Variants in EGFLAM observed in about 807,000 individuals in gnomAD.
EGFLAM encodes EGF like, fibronectin type III and laminin G domains, also known as pikachurin.
In EGFLAM, 79 loss-of-function variants were observed where a neutral mutation model predicts 113.1. That is an observed-to-expected ratio of 0.70 (90% CI 0.58 to 0.84). EGFLAM has a LOEUF of 0.84. Ranked by LOEUF, EGFLAM falls within the 40% of genes least tolerant of loss-of-function variation. The probability of loss-of-function intolerance (pLI) is 0.00; values close to 1 mark genes in which losing one functional copy is unlikely to be tolerated. For missense variants in EGFLAM, 1,265 were observed against 1,291.6 expected, an observed-to-expected ratio of 0.98 and a Z score of 0.32; for synonymous variants, 504 against 487.6, an observed-to-expected ratio of 1.03 and a Z score of -0.44.
rs774365069 is a variant in EGFLAM at position 38,431,272 on chromosome 5, T to C, written c.2150T>C (p.Val717Ala). The change falls in exon 15 of 22, where the codon GTG (valine) becomes GCG (alanine). Residue 717 changes from valine to alanine, a missense_variant. Transcript: ENST00000322350. Reference protein sequence around the residue: ...GILQVDKQKIVEGMAEGGFTQ... With the variant: ...GILQVDKQKIAEGMAEGGFTQ... The stretch of plus-strand genomic sequence containing the variant: ...TTACAGGTGGATAAGCAGAAGATAG[T>C]GGAGGGAATGGCAGAGGTAAGAACA... 3 of 1,613,952 alleles carry C rather than the reference T, an allele frequency of 1.9e-6. No homozygotes were observed. Among genetic ancestry groups the C allele is most frequent in the Admixed American group, 3.3e-5 (2 of 60,000 alleles).
At chr5:38,382,794 A>G (rs968115694) in intron 6 of EGFLAM, among the ~76,000 whole-genome samples, 4 of 152,172 alleles carry the variant, frequency 2.6e-5, no homozygotes, top group African/African-American at 9.7e-5. Context: ...TCTTATTCCC[A>G]CTGATATGAG....
At chr5:38,414,253 A>C (rs973454548) in intron 11 of EGFLAM, among the ~76,000 whole-genome samples, 2 of 152,218 alleles carry the variant, frequency 1.3e-5, no homozygotes, top group African/African-American at 4.8e-5. Context: ...AGGTAAGAAA[A>C]AGACAGGGTC....
intron 1 of EGFLAM, among the ~76,000 whole-genome samples, chr5:38,272,954 G>T (rs1459449892): frequency 2.6e-5 from 4 of 152,068 alleles, no homozygotes; most frequent in Admixed American, 6.5e-5. Flanking sequence ...ATAAGATGGT[G>T]GAATAGGACT....
intron 5 of EGFLAM, among the ~76,000 whole-genome samples, chr5:38,370,034 G>C (rs1740163168): frequency 6.6e-6 from 1 of 152,144 alleles, no homozygotes; most frequent in African/African-American, 2.4e-5. Context: ...ATCATAGTGA[G>C]GGCCTTGCAA....
chr5:38,423,020 A>C (rs192897572), intron 12 of EGFLAM, among the ~76,000 whole-genome samples: 31 of 152,236 alleles, frequency 2.0e-4, no homozygotes, highest in Admixed American at 6.5e-4. Context: ...CTTTCTTTCA[A>C]GGCCTGATAC....
At chr5:38,276,586 A>G (rs1118170) in intron 1 of EGFLAM, among the ~76,000 whole-genome samples, 20,146 of 152,116 alleles carry the variant, frequency 0.13, 1,509 homozygotes, top group Middle Eastern at 0.28. Context: ...GATCAGAAAT[A>G]AATGAAATAT....
At chr5:38,329,296 A>G (rs1266238620) in intron 1 of EGFLAM, among the ~76,000 whole-genome samples, 1 of 844 alleles carries the variant, frequency 1.2e-3, no homozygotes. Flanking sequence ...CTCAAAGATA[A>G]ATAAATAAAT....
In EGFLAM at chr5:38,302,286, C is replaced by T. The variant is rs540411491; in HGVS notation, c.98-35234C>T. Among the ~76,000 whole-genome samples the T allele has an allele frequency of 7.4e-5, 11 of 149,630 alleles. No homozygotes were observed. In the South Asian group the frequency reaches 1.3e-3, roughly 17 times the overall value. ...TCAATCACATGTATAGATTTTGTAA[C>T]GTAGACTGGTTATTTAAAGTCAGAG... is the stretch of plus-strand genomic sequence containing the variant. On this transcript the variant is annotated intron_variant, in intron 1 of 21. Transcript: ENST00000322350.
intron 5 of EGFLAM, among the ~76,000 whole-genome samples, chr5:38,359,498 A>G (rs1739864482): frequency 6.6e-6 from 1 of 152,178 alleles, no homozygotes; most frequent in African/African-American, 2.4e-5. Flanking sequence ...AACATGGTGA[A>G]ACCCTATCTC....
chr5:38,432,402 G>A (rs1413479735), intron 15 of EGFLAM, among the ~76,000 whole-genome samples: 3 of 150,846 alleles, frequency 2.0e-5, no homozygotes, highest in Non-Finnish European at 4.4e-5. Flanking sequence ...GGGAATGAGG[G>A]GAATCCCAAA....
chr5:38,358,349 A>G (rs1232526626), intron 5 of EGFLAM, among the ~76,000 whole-genome samples: 2 of 145,804 alleles, frequency 1.4e-5, no homozygotes, highest in African/African-American at 5.0e-5. Context: ...CGGGAGGCTG[A>G]GGCAGAAGAA....
Position 38,272,758 on chromosome 5 carries a change from A to ATG in EGFLAM, c.97+13925_97+13926dup, listed in dbSNP as rs148444332. On this transcript the variant is annotated intron_variant, in intron 1 of 21. Coordinates refer to ENST00000322350, the MANE Select transcript of EGFLAM (RefSeq NM_152403.4). ...AGTTGACTTTTTGAGAGGTGTGTGT[A>ATG]TGTGTGTGTGTGTGTGTGTCTGTGT... Among the ~76,000 whole-genome samples the ATG allele has an allele frequency of 8.5e-4, 128 of 150,502 alleles. 1 individual carries two copies. Among genetic ancestry groups the ATG allele is most frequent in the Middle Eastern group, 3.4e-3 (1 of 290 alleles).
Position 38,406,244 on chromosome 5 carries a change from A to G in EGFLAM, c.828+3A>G, listed in dbSNP as rs200064260. The G allele has an allele frequency of 6.0e-4, 964 of 1,612,652 alleles. 2 individuals carry two copies. The highest frequency in any genetic ancestry group is 2.0e-3 in the Admixed American group (117 of 59,974). The stretch of plus-strand genomic sequence containing the variant: ...ATTTGGATATTTCCTTTGAGGAGGT[A>G]ACAATAATCTCTGCTCTTAAAACCC... On this transcript the variant is annotated splice_donor_region_variant and intron_variant, in intron 7 of 21. Transcript: ENST00000322350.
At chr5:38,395,059 G>A (rs913121441) in intron 6 of EGFLAM, among the ~76,000 whole-genome samples, 13 of 151,942 alleles carry the variant, frequency 8.6e-5, no homozygotes, top group African/African-American at 2.7e-4. Context: ...TCCTGTCTCA[G>A]CCTCCTGAGT....
intron 5 of EGFLAM, among the ~76,000 whole-genome samples, chr5:38,357,161 C>T (rs1374347691): frequency 6.6e-6 from 1 of 152,148 alleles, no homozygotes; most frequent in Non-Finnish European, 1.5e-5. Flanking sequence ...GTGGCTGAGG[C>T]AGGAGGATCA....
intron 4 of EGFLAM, among the ~76,000 whole-genome samples, chr5:38,350,877 G>A (rs1579807076): frequency 6.6e-6 from 1 of 152,190 alleles, no homozygotes; most frequent in Non-Finnish European, 1.5e-5. Context: ...GGTAAGGGAA[G>A]AATTCCCTGA....
intron 1 of EGFLAM, among the ~76,000 whole-genome samples, chr5:38,260,164 G>A (rs975826175): frequency 1.2e-4 from 19 of 152,088 alleles, no homozygotes; most frequent in African/African-American, 4.1e-4. Context: ...CTTCCTGCAC[G>A]CACACATACA....
chr5:38,458,336 T>G lies in EGFLAM; in HGVS notation c.2713T>G (p.Ser905Ala). The G allele has an allele frequency of 6.2e-7, 1 of 1,614,122 alleles. No individual in the cohort carries two copies. Among genetic ancestry groups the G allele is most frequent in the South Asian group, 1.1e-5 (1 of 91,080 alleles). Reference sequence around the variant, plus strand: ...CTATAACCTGGGCAGTGGTGTGGCATCCATCATGGTGAATGGCTCCTTCAA... The same window carrying G: ...CTATAACCTGGGCAGTGGTGTGGCAGCCATCATGGTGAATGGCTCCTTCAA... ...FSYNLGSGVA[S>A]IMVNGSFNDG... is the part of the protein sequence containing the mutation. Residue 905 changes from serine (S) to alanine (A), a missense_variant, in exon 20 of 22, where the codon TCC becomes GCC. Ser to Ala is a moderately conservative substitution (Grantham distance 99, BLOSUM62 1). Transcript: ENST00000322350.
chr5:38,277,839 A>G (rs1226949844), intron 1 of EGFLAM, among the ~76,000 whole-genome samples: 1 of 152,188 alleles, frequency 6.6e-6, no homozygotes, highest in African/African-American at 2.4e-5. Context: ...CAAAGAGGTG[A>G]CAGATCTCTA....
Sources: allele counts gnomAD v4.1 joint callset (sites outside exome capture counted in the v4.1 genomes callset), GRCh38; gene constraint gnomAD v4.1.1; transcripts MANE v1.5; gene names NCBI Gene and HGNC (gene_info 2026-07-23, HGNC 2026-07-21).